CAP2: variants seen among roughly 807,000 people sequenced by gnomAD.
CAP2 encodes adenylyl cyclase-associated protein 2.
In CAP2, 24 loss-of-function variants were observed where a neutral mutation model predicts 57.7. That is an observed-to-expected ratio of 0.42 (90% CI 0.30 to 0.58). The LOEUF is 0.58. Ranked by LOEUF, CAP2 falls within the 20% of genes least tolerant of loss-of-function variation. The pLI, the probability that CAP2 is intolerant of heterozygous loss-of-function variation, is 0.22. For synonymous variants in CAP2, 194 were observed against 207.2 expected, an observed-to-expected ratio of 0.94 and a Z score of 0.55; for missense variants, 501 against 590.3, an observed-to-expected ratio of 0.85 and a Z score of 1.57.
In CAP2 at chr6:17,510,281, T is replaced by C. The variant is rs988455207; in HGVS notation, c.530+2555T>C. Among the ~76,000 whole-genome samples, 3 of 152,176 alleles carry C rather than the reference T, an allele frequency of 2.0e-5. No individual in the cohort carries two copies. In the East Asian group the frequency reaches 5.8e-4, roughly 29 times the overall value. On this transcript the variant is annotated intron_variant, in intron 6 of 12. Transcript: ENST00000229922. ...AACTCTGCTGAGCTAAACTATGGAA[T>C]TGCACACTGGAAATGGTTGAAGTGT...
At chr6:17,479,766 C>T (rs1318989208) in intron 4 of CAP2, among the ~76,000 whole-genome samples, 2 of 151,808 alleles carry the variant, frequency 1.3e-5, no homozygotes, top group Admixed American at 6.6e-5. Context: ...CACCCGCCAC[C>T]ACACCCGGCT....
chr6:17,517,561 A>C (rs1197601500), intron 7 of CAP2, among the ~76,000 whole-genome samples: 2 of 152,096 alleles, frequency 1.3e-5, no homozygotes, highest in Non-Finnish European at 2.9e-5. Context: ...AGACCCAATA[A>C]ATTGATTTCA....
At chr6:17,522,088 G>T (rs142297176) in intron 7 of CAP2, among the ~76,000 whole-genome samples, 1 of 151,766 alleles carries the variant, frequency 6.6e-6, no homozygotes, top group Non-Finnish European at 1.5e-5. Flanking sequence ...TAGCCTGGGC[G>T]ACAGAGCAAG....
chr6:17,487,141 A>G (rs1056777714), intron 4 of CAP2, among the ~76,000 whole-genome samples: 1 of 152,196 alleles, frequency 6.6e-6, no homozygotes, highest in Non-Finnish European at 1.5e-5. Flanking sequence ...GATACTGAAG[A>G]AAAGAAGCCA....
At chr6:17,479,498 C>T (rs914345474) in intron 4 of CAP2, among the ~76,000 whole-genome samples, 37 of 129,080 alleles carry the variant, frequency 2.9e-4, no homozygotes, top group Admixed American at 8.5e-4. Context: ...GAAGGGAGGA[C>T]GGAAGTAAAA....
intron 8 of CAP2, 98 bp downstream of exon 8, chr6:17,539,556 A>C: frequency 1.2e-6 from 1 of 850,310 alleles, no homozygotes; most frequent in Non-Finnish European, 1.8e-6. Flanking sequence ...ACATCACTCC[A>C]TCCCTGCCTC....
intron 7 of CAP2, among the ~76,000 whole-genome samples, chr6:17,525,316 A>T (rs1244614577): frequency 1.3e-5 from 2 of 152,244 alleles, no homozygotes; most frequent in East Asian, 3.9e-4. Flanking sequence ...ATAATCAAGA[A>T]TTCAAAGCTC....
chr6:17,494,189 G>C (rs1371243345), intron 4 of CAP2, among the ~76,000 whole-genome samples: 1 of 152,162 alleles, frequency 6.6e-6, no homozygotes, highest in African/African-American at 2.4e-5. Context: ...GCGATCCTTA[G>C]AAAAGAAAAC....
intron 3 of CAP2, among the ~76,000 whole-genome samples, chr6:17,430,201 A>G (rs1246786808): frequency 6.6e-6 from 1 of 152,192 alleles, no homozygotes. Context: ...GACCACAAAA[A>G]AGGGGATCTA....
rs71819597 is a variant in CAP2 at position 17,487,452 on chromosome 6, GGTTTGTTTGTTT to G, written c.301-19696_301-19685del. Among the ~76,000 whole-genome samples, 1,137 of 151,410 alleles carry G rather than the reference GGTTTGTTTGTTT, an allele frequency of 7.5e-3. 25 individuals are homozygous for G. Among genetic ancestry groups the G allele is most frequent in the African/African-American group, 0.027 (1,098 of 40,996 alleles). On this transcript the variant is annotated intron_variant, in intron 4 of 12. Transcript: ENST00000229922. ...TCATCACCCAGAATGCCACCAGGTG[GGTTTGTTTGTTT>G]GTTTGTTTGTTTGTTTGTTTTTGAG...
At chr6:17,406,412 T>TTTTTTTTTTTTTTTTTTTC (rs1197104013) in intron 1 of CAP2, among the ~76,000 whole-genome samples, 3 of 135,266 alleles carry the variant, frequency 2.2e-5, no homozygotes, top group African/African-American at 1.1e-4. Context: ...TTTTTTTTTT[T>TTTTTTTTTTTTTTTTTTTC]TGAGGCAGTC....
chr6:17,480,773 GTT>G lies in CAP2; in HGVS notation c.300+17718_300+17719del, dbSNP rs79702682. Among the ~76,000 whole-genome samples, 62 of 136,346 alleles carry G rather than the reference GTT, an allele frequency of 4.5e-4. 2 individuals are homozygous for G. The highest frequency in any genetic ancestry group is 1.3e-3 in the African/African-American group (47 of 36,386). 89.4% of individuals were successfully genotyped at this position (136,346 alleles called of 152,430 possible). ...CTTGGTGCTAAATGTGGTTTTTTTGGTTTTTTTTTTTTTTTTTTTGAGACAGA... is the reference window on the plus strand; with the variant it reads ...CTTGGTGCTAAATGTGGTTTTTTTGGTTTTTTTTTTTTTTTTTGAGACAGA... On this transcript the variant is annotated intron_variant, in intron 4 of 12. Transcript: ENST00000229922.
At chr6:17,442,409 G>A (rs1387122069) in intron 3 of CAP2, among the ~76,000 whole-genome samples, 1 of 152,152 alleles carries the variant, frequency 6.6e-6, no homozygotes, top group African/African-American at 2.4e-5. Context: ...AAGCAAAACG[G>A]AACAGACAAC....
At chr6:17,409,968 T>C (rs1426841224) in intron 1 of CAP2, among the ~76,000 whole-genome samples, 1 of 152,210 alleles carries the variant, frequency 6.6e-6, no homozygotes, top group African/African-American at 2.4e-5. Flanking sequence ...CAGTCCCTTG[T>C]TTCTCATGCT....
In CAP2 at chr6:17,430,610, C is replaced by G. The variant is rs371151110; in HGVS notation, c.222+3920C>G. 3.6e-4 allele frequency among the ~76,000 whole-genome samples: 55 copies of G among 151,152 alleles called. No homozygotes were observed. The East Asian group carries it at 0.011, about 29-fold the overall frequency. Reference sequence around the variant, plus strand: ...CTTGAGTGCAGTGGCGTGATCTGAGCTCACTGCAACCTCCACCTCCCGGGT... The same window carrying G: ...CTTGAGTGCAGTGGCGTGATCTGAGGTCACTGCAACCTCCACCTCCCGGGT... On this transcript the variant is annotated intron_variant, in intron 3 of 12. Coordinates refer to ENST00000229922, the MANE Select transcript of CAP2 (RefSeq NM_006366.3).
chr6:17,420,785 C>T (rs1759418646), intron 1 of CAP2, among the ~76,000 whole-genome samples: 1 of 152,162 alleles, frequency 6.6e-6, no homozygotes, highest in African/African-American at 2.4e-5. Flanking sequence ...TGTGTATTAC[C>T]TATTGGGCTT....
At chr6:17,423,727 C>T (rs1446826160) in intron 2 of CAP2, among the ~76,000 whole-genome samples, 2 of 152,036 alleles carry the variant, frequency 1.3e-5, no homozygotes, top group Non-Finnish European at 2.9e-5. Context: ...AATTAATAGG[C>T]TAAGTAGAAT....
At chr6:17,462,961 A>G (rs1355139208) in intron 3 of CAP2, 35 bp from the exon 4 acceptor site, 2 of 1,562,028 alleles carry the variant, frequency 1.3e-6, no homozygotes, top group Admixed American at 1.7e-5. Context: ...TTAGGAGTCA[A>G]ACATTGAAAC....
At chr6:17,517,902 A>AAAAT (rs150089656) in intron 7 of CAP2, among the ~76,000 whole-genome samples, 1,970 of 152,086 alleles carry the variant, frequency 0.013, 47 homozygotes, top group African/African-American at 0.042. Context: ...ACTTGGTCTC[A>AAAAT]AAATAAATAA....
Sources: gnomAD v4.1 joint callset for allele counts (sites outside exome capture counted in the v4.1 genomes callset) on GRCh38, gnomAD v4.1.1 for gene constraint, MANE v1.5 for transcripts, NCBI Gene and HGNC (gene_info 2026-07-23, HGNC 2026-07-21) for gene names.